Variants in FGF14 observed in about 807,000 individuals in gnomAD.
FGF14 encodes the protein fibroblast growth factor homologous factor 4.
A neutral mutation model predicts 25.5 loss-of-function variants in FGF14; 5 were observed. The observed-to-expected ratio is 0.20, with a 90% CI of 0.10 to 0.41. The LOEUF (loss-of-function observed/expected upper bound fraction) is 0.41. Among genes scored for constraint, FGF14 ranks in the 10% least tolerant of loss-of-function variants. The pLI is 1.00. For synonymous variants in FGF14, 138 were observed against 118.3 expected (o/e 1.17, Z -1.08); for missense variants, 222 against 320.1 (o/e 0.69, Z 2.34).
At chr13:101,877,936 CT>C (rs1279262485) in intron 1 of FGF14, among the ~76,000 whole-genome samples, 1 of 152,116 alleles carries the variant, frequency 6.6e-6, no homozygotes, top group Non-Finnish European at 1.5e-5. Context: ...CGCTCTTTTT[CT>C]TTTTTTCTAT....
chr13:101,740,467 A>G (rs2036476196), intron 3 of FGF14, among the ~76,000 whole-genome samples: 1 of 152,188 alleles, frequency 6.6e-6, no homozygotes, highest in Non-Finnish European at 1.5e-5. Context: ...GGCATTGGCA[A>G]TGGAGGTGGA....
chr13:102,325,123 T>C (rs1218142464), intron 1 of FGF14, among the ~76,000 whole-genome samples: 1 of 151,370 alleles, frequency 6.6e-6, no homozygotes, highest in East Asian at 1.9e-4. Flanking sequence ...AACCTGAAAA[T>C]AAAAGATGGG....
chr13:102,336,565 C>G (rs1010070830), intron 1 of FGF14, among the ~76,000 whole-genome samples: 4 of 152,188 alleles, frequency 2.6e-5, no homozygotes, highest in Admixed American at 6.5e-5. Flanking sequence ...TCCAGGAGAT[C>G]TAGCTAAGAT....
At chr13:102,015,034 T>A (rs1306231641) in intron 1 of FGF14, among the ~76,000 whole-genome samples, 2 of 152,112 alleles carry the variant, frequency 1.3e-5, no homozygotes, top group African/African-American at 2.4e-5. Context: ...CAGCCTCCCA[T>A]ATAGCTGGGA....
intron 3 of FGF14, among the ~76,000 whole-genome samples, chr13:101,829,602 C>A (rs892411074): frequency 6.6e-6 from 1 of 151,792 alleles, no homozygotes; most frequent in African/African-American, 2.4e-5. Context: ...TTTCCAGCAT[C>A]GTCATCATAA....
intron 1 of FGF14, among the ~76,000 whole-genome samples, chr13:101,922,854 C>CA (rs1448429730): frequency 6.7e-6 from 1 of 150,262 alleles, no homozygotes; most frequent in Non-Finnish European, 1.5e-5. Flanking sequence ...ATTTATCCTT[C>CA]AAATGAACAA....
intron 1 of FGF14, among the ~76,000 whole-genome samples, chr13:102,050,245 GA>G (rs1277604325): frequency 6.6e-6 from 1 of 152,162 alleles, no homozygotes; most frequent in Non-Finnish European, 1.5e-5. Flanking sequence ...ACACAGTATA[GA>G]AAAATAGATT....
At chr13:102,122,402 C>T (rs1053321051) in intron 1 of FGF14, among the ~76,000 whole-genome samples, 1 of 152,198 alleles carries the variant, frequency 6.6e-6, no homozygotes, top group Non-Finnish European at 1.5e-5. Flanking sequence ...TTTCATCTCA[C>T]AGCTTCCTGC....
intron 1 of FGF14, among the ~76,000 whole-genome samples, chr13:102,235,932 T>C (rs2051308455): frequency 2.0e-5 from 3 of 152,244 alleles, no homozygotes; most frequent in African/African-American, 7.2e-5. Context: ...AAAGTCCTGA[T>C]GTCCCAATAT....
At chr13:101,860,829 T>C (rs1443681304) in intron 3 of FGF14, among the ~76,000 whole-genome samples, 1 of 152,122 alleles carries the variant, frequency 6.6e-6, no homozygotes, top group Non-Finnish European at 1.5e-5. Context: ...CAGGTCATTT[T>C]CAAAATCATT....
chr13:101,860,972 G>T (rs1230304592), intron 3 of FGF14, among the ~76,000 whole-genome samples: 1 of 151,992 alleles, frequency 6.6e-6, no homozygotes, highest in Non-Finnish European at 1.5e-5. Flanking sequence ...CTAGTATTCT[G>T]CTCTATTATC....
chr13:101,947,663 C>A (rs947617174), intron 1 of FGF14, among the ~76,000 whole-genome samples: 1 of 152,094 alleles, frequency 6.6e-6, no homozygotes, highest in African/African-American at 2.4e-5. Flanking sequence ...AAGATGGGAA[C>A]AACACACAGT....
intron 1 of FGF14, among the ~76,000 whole-genome samples, chr13:101,893,643 T>C (rs2030137364): frequency 6.6e-6 from 1 of 152,098 alleles, no homozygotes; most frequent in Admixed American, 6.6e-5. Flanking sequence ...ATTGTTGACC[T>C]TGAAGTTCAA....
At chr13:101,835,514 A>T (rs113182088) in intron 3 of FGF14, among the ~76,000 whole-genome samples, 3,604 of 152,160 alleles carry the variant, frequency 0.024, 67 homozygotes, top group Non-Finnish European at 0.035. Flanking sequence ...TTGCCAATAT[A>T]GCAGGGTAAT....
At chr13:101,750,721 C>T (rs1436265697) in intron 3 of FGF14, among the ~76,000 whole-genome samples, 1 of 152,108 alleles carries the variant, frequency 6.6e-6, no homozygotes, top group Non-Finnish European at 1.5e-5. Flanking sequence ...TGGAAACTTA[C>T]ATCCACACAA....
intron 3 of FGF14, among the ~76,000 whole-genome samples, chr13:101,774,637 T>C (rs2038982295): frequency 6.6e-6 from 1 of 152,150 alleles, no homozygotes; most frequent in Non-Finnish European, 1.5e-5. Flanking sequence ...TGAATATGCA[T>C]GATAGACAGA....
intron 2 of FGF14, among the ~76,000 whole-genome samples, chr13:101,871,582 T>C (rs547808091): frequency 1.4e-4 from 22 of 152,126 alleles, no homozygotes; most frequent in African/African-American, 5.3e-4. Context: ...TAATAGTGTA[T>C]TGATATCTGT....
chr13:102,163,150 T>G (rs116739565), intron 1 of FGF14, among the ~76,000 whole-genome samples: 3,316 of 152,296 alleles, frequency 0.022, 122 homozygotes, highest in African/African-American at 0.076. Flanking sequence ...ATGTAAATAC[T>G]TGTAAACATT....
chr13:101,935,382 T>G (rs1280439667), intron 1 of FGF14, among the ~76,000 whole-genome samples: 1 of 152,182 alleles, frequency 6.6e-6, no homozygotes, highest in Non-Finnish European at 1.5e-5. Context: ...TGACCCCAAC[T>G]GCTATGGTTT....
Sources: allele counts gnomAD v4.1 joint callset (sites outside exome capture counted in the v4.1 genomes callset), GRCh38; gene constraint gnomAD v4.1.1; transcripts MANE v1.5; gene names NCBI Gene and HGNC (gene_info 2026-07-23, HGNC 2026-07-21).